Variants in NXN observed in about 807,000 individuals in gnomAD.
NXN encodes the protein nucleoredoxin, also known as nucleoredoxin 1.
Under a neutral mutation model 48.6 loss-of-function variants are expected in NXN, and 16 were observed. That is an observed-to-expected ratio of 0.33 (90% confidence interval 0.22 to 0.50). NXN has a LOEUF of 0.50. NXN is among the 20% of genes least tolerant of loss of function. The pLI is 0.98. For synonymous variants in NXN, 281 were observed against 269.6 expected (o/e 1.04, Z -0.41); for missense variants, 492 against 605.5 (o/e 0.81, Z 1.97).
chr17:909,075 G>T (rs2068607570), intron 1 of NXN, among the ~76,000 whole-genome samples: 1 of 142,616 alleles, frequency 7.0e-6, no homozygotes, highest in African/African-American at 2.7e-5. Context: ...CTCCAGCCTG[G>T]GCGACAGAGT....
chr17:844,402 C>T (rs1216518968), intron 1 of NXN, among the ~76,000 whole-genome samples: 1 of 152,052 alleles, frequency 6.6e-6, no homozygotes, highest in Non-Finnish European at 1.5e-5. Context: ...CATCACACGT[C>T]CCGTCCTGCC....
At chr17:900,290 C>T (rs1487152812) in intron 1 of NXN, among the ~76,000 whole-genome samples, 2 of 148,564 alleles carry the variant, frequency 1.3e-5, no homozygotes, top group African/African-American at 5.0e-5. Flanking sequence ...GAAAAAAAAA[C>T]ACAAACTTTC....
chr17:806,440 G>A (rs1278353118), intron 5 of NXN, among the ~76,000 whole-genome samples: 2 of 152,028 alleles, frequency 1.3e-5, no homozygotes, highest in African/African-American at 2.4e-5. Flanking sequence ...TCTGGTCAAG[G>A]TGCACGTGGG....
In NXN at chr17:917,684, C is replaced by T. The variant is rs2068702436; in HGVS notation, c.360+61635G>A. Reference sequence around the variant, plus strand: ...ATGTAGGCCACCCGCTGCAGGCGAGCTTCCCTACCCAATCCGACCTCCTAG... The same window carrying T: ...ATGTAGGCCACCCGCTGCAGGCGAGTTTCCCTACCCAATCCGACCTCCTAG... On this transcript the variant is annotated intron_variant, in intron 1 of 7. Transcript: ENST00000336868. The surrounding 1 kb of genome is among the most constrained non-coding windows in gnomAD (Gnocchi z 4.5). 6.6e-6 allele frequency among the ~76,000 whole-genome samples: 1 copy of T among 152,218 alleles called. No homozygotes were observed. Among genetic ancestry groups the T allele is most frequent in the South Asian group, 2.1e-4 (1 of 4,836 alleles).
chr17:848,260 C>G (rs958504155), intron 1 of NXN, among the ~76,000 whole-genome samples: 5 of 152,134 alleles, frequency 3.3e-5, no homozygotes, highest in Non-Finnish European at 1.5e-5. Flanking sequence ...ACCTCAGCCT[C>G]CTGAGTATCT....
In NXN at chr17:805,202, G is replaced by A. The variant is rs1285132490; in HGVS notation, c.866C>T (p.Thr289Met). 6.2e-7 allele frequency: 1 copy of A among 1,611,830 alleles called. No homozygotes were observed. Among genetic ancestry groups the A allele is most frequent in the East Asian group, 2.2e-5 (1 of 44,818 alleles). ...CAGCACCTCCACCCGCCCCTGCCGC[G>A]TGATCACCTCGCCCTGCGGGTCCAG... ...IMLDPQGEVI[T>M]RQGRVEVLND... Residue 289 changes from threonine to methionine, a missense_variant, in exon 6 of 8, where the codon ACG (threonine) becomes ATG (methionine). Physicochemically the swap from Thr to Met is moderately conservative, Grantham distance 81. Around this residue, in one of 3 missense-constraint regions of NXN, gnomAD observed 303 missense variants for 388.3 expected, o/e 0.78. Transcript: ENST00000336868.
At chr17:866,590 A>G (rs935816004) in intron 1 of NXN, among the ~76,000 whole-genome samples, 3 of 152,118 alleles carry the variant, frequency 2.0e-5, no homozygotes, top group East Asian at 3.8e-4. Flanking sequence ...AATGAACCTT[A>G]AGAGAGAGGA....
At chr17:967,821 A>T (rs2069324895) in intron 1 of NXN, among the ~76,000 whole-genome samples, 1 of 152,096 alleles carries the variant, frequency 6.6e-6, no homozygotes, top group Admixed American at 6.5e-5. Context: ...AATACCAAAA[A>T]ATTAGCCAGG....
At chr17:871,067 T>C (rs2068147814) in intron 1 of NXN, among the ~76,000 whole-genome samples, 1 of 152,084 alleles carries the variant, frequency 6.6e-6, no homozygotes. Flanking sequence ...TTCACTGTGT[T>C]GGCCAGGATG....
At chr17:840,389 G>A (rs955638624) in intron 1 of NXN, among the ~76,000 whole-genome samples, 8 of 152,074 alleles carry the variant, frequency 5.3e-5, no homozygotes, top group Non-Finnish European at 1.0e-4. Flanking sequence ...GCCCAGGCTG[G>A]GGTGAAGTGG....
intron 1 of NXN, among the ~76,000 whole-genome samples, chr17:833,640 C>CAG (rs1913621129): frequency 1.3e-5 from 2 of 152,126 alleles, no homozygotes; most frequent in Admixed American, 6.6e-5. Flanking sequence ...AGCAAAAAGT[C>CAG]AGTGTATAAA....
chr17:826,737 C>G (rs1279034049), intron 1 of NXN, among the ~76,000 whole-genome samples: 1 of 152,194 alleles, frequency 6.6e-6, no homozygotes, highest in Non-Finnish European at 1.5e-5. Flanking sequence ...GTCGTCGTTA[C>G]GTTCAGCCCA....
At chr17:966,774 G>A (rs1402287760) in intron 1 of NXN, among the ~76,000 whole-genome samples, 43 of 146,100 alleles carry the variant, frequency 2.9e-4, no homozygotes, top group Admixed American at 2.9e-3. Flanking sequence ...AGACCACACT[G>A]GAGTCTGCAT....
At chr17:850,829 G>A (rs1407624636) in intron 1 of NXN, among the ~76,000 whole-genome samples, 25 of 152,148 alleles carry the variant, frequency 1.6e-4, no homozygotes, top group Admixed American at 1.6e-3. Context: ...GGCTGCCGTT[G>A]GCGGACACTC....
At chr17:867,943 G>A (rs1197811216) in intron 1 of NXN, among the ~76,000 whole-genome samples, 1 of 151,684 alleles carries the variant, frequency 6.6e-6, no homozygotes, top group African/African-American at 2.4e-5. Flanking sequence ...GTGTGCAGAA[G>A]CTGTTCAGAT....
chr17:807,567 G>A (rs774645803), intron 5 of NXN, among the ~76,000 whole-genome samples: 5 of 152,192 alleles, frequency 3.3e-5, no homozygotes, highest in African/African-American at 4.8e-5. Context: ...ACAGCATGGC[G>A]AGGACACGGA....
At chr17:861,322 C>T (rs559353747) in intron 1 of NXN, among the ~76,000 whole-genome samples, 4 of 152,174 alleles carry the variant, frequency 2.6e-5, no homozygotes, top group East Asian at 3.9e-4. Context: ...TTAGTAGAGA[C>T]GGGGTTTCAC....
At chr17:853,738 T>TTTTTTC (rs1555614493) in intron 1 of NXN, among the ~76,000 whole-genome samples, 1 of 143,574 alleles carries the variant, frequency 7.0e-6, no homozygotes, top group Non-Finnish European at 1.5e-5. Context: ...TTTTTTTTTT[T>TTTTTTC]CCAAGACGGA....
chr17:913,652 T>A (rs2068657722), intron 1 of NXN, among the ~76,000 whole-genome samples: 1 of 151,878 alleles, frequency 6.6e-6, no homozygotes, highest in Admixed American at 6.6e-5. Flanking sequence ...AGAGGCAGGT[T>A]CTCCACCTAC....
Sources: gnomAD v4.1 joint callset for allele counts (sites outside exome capture counted in the v4.1 genomes callset) on GRCh38, gnomAD v4.1.1 for gene constraint, gnomAD v4.1.1 regional missense constraint, Gnocchi (gnomAD v3.1) non-coding constraint, MANE v1.5 for transcripts, NCBI Gene and HGNC (gene_info 2026-07-23, HGNC 2026-07-21) for gene names.